PCNX2: variants seen among roughly 807,000 people sequenced by gnomAD.
PCNX2 encodes the protein pecanex-like protein 2.
Under a neutral mutation model 223.8 loss-of-function variants are expected in PCNX2, and 168 were observed. The ratio of observed to expected loss-of-function variants is 0.75; its 90% CI spans 0.66 to 0.85. PCNX2 has a LOEUF of 0.85. PCNX2 is among the 40% of genes least tolerant of loss of function. The pLI, the probability that PCNX2 is intolerant of heterozygous loss-of-function variation, is 0.00. For synonymous variants in PCNX2, 1,006 were observed against 1,052.6 expected (o/e 0.96, Z 0.86); for missense variants, 2,507 against 2,675.5 (o/e 0.94, Z 1.39).
intron 17 of PCNX2, among the ~76,000 whole-genome samples, chr1:233,169,791 G>A (rs943914367): frequency 2.0e-5 from 3 of 151,476 alleles, no homozygotes; most frequent in African/African-American, 7.3e-5. Context: ...CTTCTTGTAT[G>A]TGGCTATCTG....
At chr1:233,227,094 T>TGGGTTGTCAGCAAA (rs1485226391) in intron 10 of PCNX2, 132 bp downstream of exon 10, 1 of 1,074,540 alleles carries the variant, frequency 9.3e-7, no homozygotes, top group Non-Finnish European at 1.2e-6. Flanking sequence ...GCTTTAACTT[T>TGGGTTGTCAGCAAA]GGGTTGTCAG....
intron 28 of PCNX2, among the ~76,000 whole-genome samples, chr1:233,010,751 CA>C (rs1670438612): frequency 1.3e-5 from 2 of 152,168 alleles, no homozygotes; most frequent in South Asian, 4.1e-4. Flanking sequence ...CATAACATAT[CA>C]ACATTTTATT....
intron 28 of PCNX2, among the ~76,000 whole-genome samples, chr1:233,010,767 G>T (rs1158115685): frequency 6.6e-6 from 1 of 152,120 alleles, no homozygotes; most frequent in Non-Finnish European, 1.5e-5. Context: ...TTTATTTAAA[G>T]ACAATTTATA....
intron 1 of PCNX2, chr1:233,290,914 A>T: frequency 1.0e-6 from 1 of 985,424 alleles, no homozygotes; most frequent in African/African-American, 1.7e-5. Context: ...CTGGAAAATT[A>T]AGTCTAATGT....
At position 233,126,516 on chromosome 1, in the gene PCNX2, T is replaced by TG. The variant is rs57879685; in HGVS notation, c.3837+8496_3837+8497insC. On this transcript the variant is annotated intron_variant, in intron 21 of 33. Coordinates refer to ENST00000258229, the MANE Select transcript of PCNX2 (RefSeq NM_014801.4). The surrounding 1 kb of genome is among the most constrained non-coding windows in gnomAD (Gnocchi z 4.8). ...TAAATTTGTGTGGTGTGTGTGTGTG[T>TG]TTGTGTGTGTGTGTGTGTGTGTAAA... Among the ~76,000 whole-genome samples, 5 of 141,512 alleles carry TG rather than the reference T, an allele frequency of 3.5e-5. No homozygotes were observed. The highest frequency in any genetic ancestry group is 7.8e-5 in the Admixed American group (1 of 12,854). The allele number at this position is 141,512 out of a possible 152,430, so 92.8% of individuals were successfully genotyped here. A position where few individuals can be genotyped will look rare whatever the true frequency, so the allele number is the denominator to read the frequency against.
At chr1:233,243,852 G>C (rs1658938064) in intron 8 of PCNX2, among the ~76,000 whole-genome samples, 4 of 150,960 alleles carry the variant, frequency 2.6e-5, no homozygotes, top group African/African-American at 7.4e-5. Context: ...TTTTTTTTGA[G>C]ACTGAGTCTT....
intron 21 of PCNX2, among the ~76,000 whole-genome samples, chr1:233,129,015 T>C (rs1027275581): frequency 1.3e-5 from 2 of 152,226 alleles, no homozygotes; most frequent in African/African-American, 4.8e-5. Flanking sequence ...TGGCGTCTGC[T>C]CTGGCCATGC....
Position 233,169,373 on chromosome 1 carries a change from G to A in PCNX2, c.3274-8010C>T, listed in dbSNP as rs1392422747. On this transcript the variant is annotated intron_variant, in intron 17 of 33. Transcript: ENST00000258229. ...TTTAAAATGTGACACAGGGCCGGGC[G>A]CGGTGGCTCACGCCTGTAATCCCAG... Among the ~76,000 whole-genome samples, 3 of 151,324 alleles carry A rather than the reference G, an allele frequency of 2.0e-5. No homozygotes were observed. The East Asian group carries it at 5.9e-4, about 30-fold the overall frequency.
At chr1:233,022,229 A>G (rs1670915383) in intron 26 of PCNX2, among the ~76,000 whole-genome samples, 1 of 152,182 alleles carries the variant, frequency 6.6e-6, no homozygotes, top group South Asian at 2.1e-4. Context: ...TCCAGACTGT[A>G]TGGCCCAGAC....
At chr1:232,998,106 T>C in intron 32 of PCNX2, 145 bp downstream of exon 32, 1 of 794,666 alleles carries the variant, frequency 1.3e-6, no homozygotes, top group Admixed American at 4.0e-5. Flanking sequence ...GAGCAGAACC[T>C]ACAAGAGTCT....
At chr1:233,283,955 T>A (rs1661318021) in intron 1 of PCNX2, among the ~76,000 whole-genome samples, 1 of 152,148 alleles carries the variant, frequency 6.6e-6, no homozygotes. Context: ...CCTTAACCAA[T>A]GATGCGGGTT....
chr1:233,058,513 T>C (rs1672271683), intron 23 of PCNX2: 1 of 152,194 alleles, frequency 6.6e-6, no homozygotes, highest in South Asian at 2.1e-4. Flanking sequence ...AAATCTGATA[T>C]ATTCGCCATT....
At chr1:233,279,122 T>C (rs1198217159) in intron 1 of PCNX2, among the ~76,000 whole-genome samples, 1 of 152,212 alleles carries the variant, frequency 6.6e-6, no homozygotes, top group Non-Finnish European at 1.5e-5. Flanking sequence ...ATCTGTCTAT[T>C]CTCATTGGGT....
chr1:233,285,052 T>C (rs1270435921), intron 1 of PCNX2: 13 of 979,042 alleles, frequency 1.3e-5, no homozygotes, highest in Non-Finnish European at 1.5e-5. Flanking sequence ...GTTGGACATG[T>C]AGTATAAATA....
At chr1:233,293,459 A>G (rs1330812687) in intron 1 of PCNX2, among the ~76,000 whole-genome samples, 2 of 152,246 alleles carry the variant, frequency 1.3e-5, no homozygotes, top group Admixed American at 6.5e-5. Flanking sequence ...AAAGCTTATG[A>G]TCTAGACATA....
chr1:233,035,355 T>A (rs1340851055), intron 25 of PCNX2, among the ~76,000 whole-genome samples: 1 of 152,196 alleles, frequency 6.6e-6, no homozygotes, highest in African/African-American at 2.4e-5. Flanking sequence ...ACTGGATTCA[T>A]AAAAAAATCC....
chr1:233,141,568 A>T (rs780544722), intron 19 of PCNX2, among the ~76,000 whole-genome samples: 4 of 152,138 alleles, frequency 2.6e-5, no homozygotes, highest in Non-Finnish European at 5.9e-5. Context: ...CTGGAGGCTG[A>T]GGCAGGAGAT....
intron 17 of PCNX2, among the ~76,000 whole-genome samples, chr1:233,168,823 T>A (rs1678957143): frequency 6.6e-6 from 1 of 152,154 alleles, no homozygotes; most frequent in African/African-American, 2.4e-5. Context: ...ACACAAATGA[T>A]GTCTAAGAGA....
intron 23 of PCNX2, 113 bp from the exon 24 acceptor site, chr1:233,057,403 G>A (rs1040910671): frequency 6.4e-6 from 5 of 785,670 alleles, no homozygotes; most frequent in African/African-American, 5.2e-5. Flanking sequence ...AGATCTCACA[G>A]GTTAAGACGA....
Sources: allele counts gnomAD v4.1 joint callset (sites outside exome capture counted in the v4.1 genomes callset), GRCh38; gene constraint gnomAD v4.1.1; non-coding constraint Gnocchi (gnomAD v3.1); transcripts MANE v1.5; gene names NCBI Gene and HGNC (gene_info 2026-07-23, HGNC 2026-07-21).